The following ZMYND10 variants were observed in gnomAD, a reference collection of about 807,000 sequenced individuals.
ZMYND10 encodes the protein zinc finger MYND-type containing 10.
Under a neutral mutation model 62.6 loss-of-function variants are expected in ZMYND10, and 52 were observed. That is an observed-to-expected ratio of 0.83 (90% CI 0.67 to 1.05). The LOEUF (loss-of-function observed/expected upper bound fraction) is 1.05, where lower values mean the gene tolerates loss of function less well. Among genes scored for constraint, ZMYND10 ranks in the 50% least tolerant of loss-of-function variants. The pLI, the probability that ZMYND10 is intolerant of heterozygous loss-of-function variation, is 0.00. For synonymous variants in ZMYND10, 197 were observed against 218.5 expected (o/e 0.90, Z 0.87); for missense variants, 438 against 543.3 (o/e 0.81, Z 1.93).
chr3:50,341,742 G>A (rs1703384830), intron 10 of ZMYND10, 43 bp from the exon 11 acceptor site: 1 of 1,612,046 alleles, frequency 6.2e-7, no homozygotes, highest in Non-Finnish European at 8.5e-7. Flanking sequence ...TGGAAGGTGG[G>A]GGCACCCCAC....
intron 8 of ZMYND10, 45 bp from the exon 9 acceptor site, chr3:50,342,185 C>T (rs1559850030): frequency 6.3e-7 from 1 of 1,594,086 alleles, no homozygotes; most frequent in South Asian, 1.1e-5. Flanking sequence ...AGGTGCTGGC[C>T]AGGGGGCCAA....
At position 50,343,215 on chromosome 3, in the gene ZMYND10, T is replaced by A; in HGVS notation, c.511-9A>T. The A allele has an allele frequency of 6.2e-7, 1 of 1,614,080 alleles. No homozygotes were observed. The highest frequency in any genetic ancestry group is 8.5e-7 in the Non-Finnish European group (1 of 1,179,992). ...GCCTGCTTCTGCAGCTCCTGGGAGGTCACACAGTGTTCACGCTGGGCCACC... is the reference window on the plus strand; with the variant it reads ...GCCTGCTTCTGCAGCTCCTGGGAGGACACACAGTGTTCACGCTGGGCCACC... On this transcript the variant is annotated splice_polypyrimidine_tract_variant and intron_variant, in intron 5 of 11. Transcript: ENST00000231749.
Position 50,341,436 on chromosome 3 carries a change from C to T in ZMYND10, c.1297G>A (p.Ala433Thr). Reference protein sequence around the residue: ...WEKHGKTCVLAAQGDRAK With the variant: ...WEKHGKTCVLTAQGDRAK ...CATTTGGCTCTGTCACCCTGGGCTGCCAGGACACAAGTCTTTCCATGCTTT... is the reference window on the plus strand; with the variant it reads ...CATTTGGCTCTGTCACCCTGGGCTGTCAGGACACAAGTCTTTCCATGCTTT... Residue 433 changes from alanine (A) to threonine (T), a missense_variant, in exon 12 of 12, where the codon GCA becomes ACA. Physicochemically the swap from Ala to Thr is moderately conservative, Grantham distance 58 (BLOSUM62 0). Transcript: ENST00000231749. 6.2e-7 allele frequency: 1 copy of T among 1,614,212 alleles called. No individual in the cohort carries two copies.
Position 50,343,567 on chromosome 3 carries a change from TG to T in ZMYND10, c.367del (p.His123ThrfsTer16). 4 of 1,614,182 alleles carry T rather than the reference TG, an allele frequency of 2.5e-6. No individual in the cohort carries two copies. Among genetic ancestry groups the T allele is most frequent in the Non-Finnish European group, 3.4e-6 (4 of 1,180,040 alleles). Reference sequence around the variant, plus strand: ...TGGGCAGAGATAGTCCCTCACCTTGTGGAAGAACACTGTCTCCAAGAGGTTG... The same window carrying T: ...TGGGCAGAGATAGTCCCTCACCTTGTGAAGAACACTGTCTCCAAGAGGTTG... ...IINLLETVFF[H>X]KEVCESAEDT... On this transcript the variant is annotated frameshift_variant, in exon 4 of 12. Coordinates refer to ENST00000231749, the MANE Select transcript of ZMYND10 (RefSeq NM_015896.4). LOFTEE classifies it high-confidence loss of function.
Position 50,341,712 on chromosome 3 carries a change from C to G in ZMYND10, c.1122-13G>C. The G allele has an allele frequency of 6.2e-6, 10 of 1,613,980 alleles. No homozygotes were observed. Among genetic ancestry groups the G allele is most frequent in the Non-Finnish European group, 8.5e-6 (10 of 1,179,890 alleles). On this transcript the variant is annotated splice_polypyrimidine_tract_variant and intron_variant, in intron 10 of 11. Transcript: ENST00000231749. ...GGTCTCAGCCCACCTGGGGGAAAGT[C>G]AGGAAGGTCTGACTGGCCCTGGAAG...
chr3:50,341,374 T>A lies in ZMYND10; in HGVS notation c.*36A>T. On this transcript the variant is annotated 3_prime_UTR_variant, in exon 12 of 12. Transcript: ENST00000231749. The stretch of plus-strand genomic sequence containing the variant: ...AGGGGTGCATTCTGGGTGGATTCCC[T>A]TGGCATGGGTGGTCGGCCCTCAGCA... 1 of 1,612,760 alleles carries A rather than the reference T, an allele frequency of 6.2e-7. No homozygotes were observed. Among genetic ancestry groups the A allele is most frequent in the Non-Finnish European group, 8.5e-7 (1 of 1,179,670 alleles).
chr3:50,341,489 C>T lies in ZMYND10; in HGVS notation c.1248-4G>A, dbSNP rs1490573445. 13 of 1,614,114 alleles carry T rather than the reference C, an allele frequency of 8.1e-6. No homozygotes were observed. Among genetic ancestry groups the T allele is most frequent in the East Asian group, 2.2e-5 (1 of 44,896 alleles). Reference sequence around the variant, plus strand: ...CCAGTGCTTGACTTGGCACTCCCTGCAGGCAGGTGGGTATTGAGGATGGCA... The same window carrying T: ...CCAGTGCTTGACTTGGCACTCCCTGTAGGCAGGTGGGTATTGAGGATGGCA... On this transcript the variant is annotated splice_region_variant and splice_polypyrimidine_tract_variant and intron_variant, in intron 11 of 11. Coordinates refer to ENST00000231749, the MANE Select transcript of ZMYND10 (RefSeq NM_015896.4).
chr3:50,343,674 T>A (rs887218572), intron 3 of ZMYND10, 58 bp from the exon 4 acceptor site: 3 of 1,613,606 alleles, frequency 1.9e-6, no homozygotes, highest in Non-Finnish European at 2.5e-6. Context: ...CCAGCTCTCC[T>A]CCCCGGTCCA....
In ZMYND10 at chr3:50,341,790, G is replaced by T; in HGVS notation, c.1121+20C>A. ...CTCCTGCATCCCCTCCACCCTCCCTGCCATTTCCACAGGCCTTACCTTCGC... is the reference window on the plus strand; with the variant it reads ...CTCCTGCATCCCCTCCACCCTCCCTTCCATTTCCACAGGCCTTACCTTCGC... On this transcript the variant is annotated intron_variant, in intron 10 of 11. Coordinates refer to ENST00000231749, the MANE Select transcript of ZMYND10 (RefSeq NM_015896.4). The T allele has an allele frequency of 6.2e-7, 1 of 1,612,526 alleles. No homozygotes were observed. The highest frequency in any genetic ancestry group is 1.1e-5 in the South Asian group (1 of 91,026).
rs1057234400 is a variant in ZMYND10 at position 50,345,090 on chromosome 3, G to A, written c.201+34C>T. 5 of 1,584,628 alleles carry A rather than the reference G, an allele frequency of 3.2e-6. No homozygotes were observed. In the African/African-American group the frequency reaches 4.0e-5, roughly 13 times the overall value. Reference sequence around the variant, plus strand: ...GGGGTAGAGTAGGTGAGGTATGGGGGAAGGCAGGAACCCTGCCTGTGACCT... The same window carrying A: ...GGGGTAGAGTAGGTGAGGTATGGGGAAAGGCAGGAACCCTGCCTGTGACCT... On this transcript the variant is annotated intron_variant, in intron 2 of 11. Coordinates refer to ENST00000231749, the MANE Select transcript of ZMYND10 (RefSeq NM_015896.4). The surrounding 1 kb of genome is among the most constrained non-coding windows in gnomAD (Gnocchi z 5.0).
chr3:50,341,813 C>G lies in ZMYND10; in HGVS notation c.1118G>C (p.Arg373Pro), dbSNP rs373018717. The part of the protein sequence containing the change: ...PSEQDLRLQA[R>P]RWAETYRLDV... ...CTGCCATTTCCACAGGCCTTACCTT[C>G]GCGCCTGCAGCCGCAGGTCCTGCTC... Residue 373 changes from arginine to proline, a missense_variant, in exon 10 of 12, where the codon CGA becomes CCA. Transcript: ENST00000231749. The G allele has an allele frequency of 2.5e-6, 4 of 1,613,910 alleles. No individual in the cohort carries two copies. Among genetic ancestry groups the G allele is most frequent in the East Asian group, 2.2e-5 (1 of 44,886 alleles).
chr3:50,342,128 G>A lies in ZMYND10; in HGVS notation c.886C>T (p.Leu296Phe), dbSNP rs1477642183. 1 of 1,611,198 alleles carries A rather than the reference G, an allele frequency of 6.2e-7. No individual in the cohort carries two copies. Among genetic ancestry groups the A allele is most frequent in the East Asian group, 2.2e-5 (1 of 44,842 alleles). ...KGRLLKLRAF[L>F]TDTLLDQLPN... ...AGCTGGTCCAGCAGTGTGTCTGTGA[G>A]GAAGGCCCGAAGCTGCAAGGGTGTC... The change falls in exon 9 of 12, where the codon CTC (leucine) becomes TTC (phenylalanine). Residue 296 changes from leucine to phenylalanine, a missense_variant. Transcript: ENST00000231749.
Position 50,343,184 on chromosome 3 carries a change from A to T in ZMYND10, c.533T>A (p.Leu178Gln), listed in dbSNP as rs1703442847. 1 of 1,614,218 alleles carries T rather than the reference A, an allele frequency of 6.2e-7. No individual in the cohort carries two copies. The highest frequency in any genetic ancestry group is 2.2e-5 in the East Asian group (1 of 44,888). ...CTTCAGTGCAATCTCAAATTCCATC[A>T]GCTCTGCCTGCTTCTGCAGCTCCTG... ...PMQELQKQAE[L>Q]MEFEIALKAL... The change falls in exon 6 of 12, where the codon CTG becomes CAG. Residue 178 changes from leucine to glutamine, a missense_variant. Leu to Gln is a moderately radical substitution (Grantham distance 113, BLOSUM62 -2). Transcript: ENST00000231749.
chr3:50,343,214 G>T lies in ZMYND10; in HGVS notation c.511-8C>A, dbSNP rs776388288. On this transcript the variant is annotated splice_polypyrimidine_tract_variant and splice_region_variant and intron_variant, in intron 5 of 11. Coordinates refer to ENST00000231749, the MANE Select transcript of ZMYND10 (RefSeq NM_015896.4). ...TGCCTGCTTCTGCAGCTCCTGGGAG[G>T]TCACACAGTGTTCACGCTGGGCCAC... 2 of 1,614,048 alleles carry T rather than the reference G, an allele frequency of 1.2e-6. No individual in the cohort carries two copies. Among genetic ancestry groups the T allele is most frequent in the Non-Finnish European group, 1.7e-6 (2 of 1,180,030 alleles).
chr3:50,341,210 C>G lies in ZMYND10; in HGVS notation c.*200G>C. On this transcript the variant is annotated 3_prime_UTR_variant, in exon 12 of 12. Coordinates refer to ENST00000231749, the MANE Select transcript of ZMYND10 (RefSeq NM_015896.4). ...TGCTGAAGCAACACACTTGGCCTACCCACTGGGTGGGGCAGGAAGTCTCGA... is the reference window on the plus strand; with the variant it reads ...TGCTGAAGCAACACACTTGGCCTACGCACTGGGTGGGGCAGGAAGTCTCGA... 1 of 697,634 alleles carries G rather than the reference C, an allele frequency of 1.4e-6. No homozygotes were observed. Among genetic ancestry groups the G allele is most frequent in the Non-Finnish European group, 2.4e-6 (1 of 422,260 alleles). 43.2% of individuals were successfully genotyped at this position (697,634 alleles called of 1,614,324 possible).
In ZMYND10 at chr3:50,345,283, G is replaced by A. The variant is rs762707599; in HGVS notation, c.93-51C>T. The stretch of plus-strand genomic sequence containing the variant: ...CGTCCACGTGTGTGCATTAGGAGTG[G>A]GGATGGGGGCTGGATCCTACTGAAG... On this transcript the variant is annotated intron_variant, in intron 1 of 11. Coordinates refer to ENST00000231749, the MANE Select transcript of ZMYND10 (RefSeq NM_015896.4). The surrounding 1 kb of genome is among the most constrained non-coding windows in gnomAD (Gnocchi z 5.0). The A allele has an allele frequency of 6.3e-7, 1 of 1,584,176 alleles. No homozygotes were observed. The highest frequency in any genetic ancestry group is 1.3e-5 in the African/African-American group (1 of 74,718).
Position 50,343,141 on chromosome 3 carries a change from G to A in ZMYND10, c.576C>T (p.Arg192=), listed in dbSNP as rs1319191143. The change falls in exon 6 of 12, where the codon CGC becomes CGT. Residue 192 remains arginine (R), a synonymous_variant. Transcript: ENST00000231749. Reference sequence around the variant, plus strand: ...ACCTGTCCACACAGTCTGTGATGTAGCGTAGTACTGAGAGGGCCTTCAGTG... The same window carrying A: ...ACCTGTCCACACAGTCTGTGATGTAACGTAGTACTGAGAGGGCCTTCAGTG... The part of the protein sequence containing the change: ...EIALKALSVL[R]YITDCVDSLS... 1.2e-6 allele frequency: 2 copies of A among 1,614,230 alleles called. No homozygotes were observed. Among genetic ancestry groups the A allele is most frequent in the Admixed American group, 1.7e-5 (1 of 60,026 alleles).
chr3:50,344,906 A>G, intron 2 of ZMYND10: 2 of 509,080 alleles, frequency 3.9e-6, no homozygotes, highest in South Asian at 4.5e-5. Context: ...TAGGACCTAC[A>G]GCTTTCTCCC....
chr3:50,344,148 C>T, intron 2 of ZMYND10: 1 of 410,242 alleles, frequency 2.4e-6, no homozygotes, highest in South Asian at 2.3e-5. Flanking sequence ...ATTCAGGCAT[C>T]CCTTTCAAGC....
Sources: gnomAD v4.1 joint callset for allele counts on GRCh38, gnomAD v4.1.1 for gene constraint, Gnocchi (gnomAD v3.1) non-coding constraint, MANE v1.5 for transcripts, NCBI Gene and HGNC (gene_info 2026-07-23, HGNC 2026-07-21) for gene names.